MOBP: variants seen among roughly 807,000 people sequenced by gnomAD.
MOBP encodes the protein myelin associated oligodendrocyte basic protein, also known as myelin-associated oligodendrocyte basic protein.
A neutral mutation model predicts 15.0 loss-of-function variants in MOBP; 5 were observed. The ratio of observed to expected loss-of-function variants is 0.33; its 90% CI spans 0.17 to 0.70. The LOEUF is 0.70. Ranked by LOEUF, MOBP falls within the 30% of genes least tolerant of loss-of-function variation. The pLI, the probability that MOBP is intolerant of heterozygous loss-of-function variation, is 0.67. For synonymous variants in MOBP, 88 were observed against 99.0 expected (o/e 0.89, Z 0.66); for missense variants, 188 against 257.8 (o/e 0.73, Z 1.85).
At chr3:39,477,579 T>C (rs2042561281) in intron 1 of MOBP, among the ~76,000 whole-genome samples, 1 of 151,706 alleles carries the variant, frequency 6.6e-6, no homozygotes, top group Admixed American at 6.6e-5. Flanking sequence ...ATACACTTTT[T>C]ATTGTTATTT....
downstream of MOBP, among the ~76,000 whole-genome samples, chr3:39,516,483 G>A (rs2043204291): frequency 6.6e-6 from 1 of 152,174 alleles, no homozygotes; most frequent in African/African-American, 2.4e-5. Flanking sequence ...GCAGGACCTT[G>A]AGGCATTTTC....
Position 39,502,292 on chromosome 3 carries a change from CCCCG to C in MOBP, c.206+19_206+22del. 1 of 1,613,628 alleles carries C rather than the reference CCCCG, an allele frequency of 6.2e-7. No individual in the cohort carries two copies. The highest frequency in any genetic ancestry group is 8.5e-7 in the Non-Finnish European group (1 of 1,179,914). ...GAAGACCAGGTAAGCGGCCGCCCAG[CCCCG>C]CGGCACCAGTTGGGCACAGCGCGTG... On this transcript the variant is annotated intron_variant, in intron 3 of 3. Transcript: ENST00000684792. This position sits in a 1 kb window ranked among gnomAD's most constrained non-coding sequence, Gnocchi z 6.3.
Position 39,503,014 on chromosome 3 carries a change from C to G in MOBP, c.*134C>G, listed in dbSNP as rs999615367. On this transcript the variant is annotated 3_prime_UTR_variant, in exon 4 of 4. Coordinates refer to ENST00000684792, the MANE Select transcript of MOBP (RefSeq NM_001393704.1). ...TGTAATCAGCTCCCTCCATTAAATC[C>G]CCTCTGTTTGAAATACCTAGTGTGG... The G allele has an allele frequency of 2.3e-5, 13 of 569,350 alleles. No homozygotes were observed. The highest frequency in any genetic ancestry group is 3.7e-5 in the Non-Finnish European group (12 of 326,334). The allele number at this position is 569,350 out of a possible 1,614,324, so 35.3% of individuals were successfully genotyped here.
chr3:39,478,276 A>C (rs758669472), intron 1 of MOBP, among the ~76,000 whole-genome samples: 1 of 152,174 alleles, frequency 6.6e-6, no homozygotes, highest in African/African-American at 2.4e-5. Context: ...TCAATATGCA[A>C]ATACTTAAAT....
intron 1 of MOBP, among the ~76,000 whole-genome samples, 175 bp downstream of exon 1, chr3:39,467,915 G>A (rs1285279113): frequency 6.6e-6 from 1 of 152,132 alleles, no homozygotes; most frequent in Non-Finnish European, 1.5e-5. Context: ...AGGACACCAT[G>A]TTTATTCTGA....
chr3:39,523,397 T>C (rs935890361), intron 3 of MOBP, among the ~76,000 whole-genome samples: 1 of 152,234 alleles, frequency 6.6e-6, no homozygotes, highest in Non-Finnish European at 1.5e-5. Flanking sequence ...GCCATATAAA[T>C]GGTAGAATCA....
chr3:39,518,177 C>T (rs2043225494), downstream of MOBP, among the ~76,000 whole-genome samples: 1 of 152,084 alleles, frequency 6.6e-6, no homozygotes, highest in Admixed American at 6.6e-5. Flanking sequence ...TCTGTGGGAC[C>T]CAGTAGTGGT....
At chr3:39,509,434 T>C (rs954078534) in intron 4 of MOBP, among the ~76,000 whole-genome samples, 4 of 152,174 alleles carry the variant, frequency 2.6e-5, no homozygotes, top group Non-Finnish European at 5.9e-5. Flanking sequence ...TTCATTGTAG[T>C]TTTAATTTTG....
downstream of MOBP, among the ~76,000 whole-genome samples, chr3:39,506,560 G>A (rs1227669191): frequency 3.9e-5 from 6 of 152,208 alleles, no homozygotes; most frequent in Non-Finnish European, 8.8e-5. Flanking sequence ...AGACATGTGC[G>A]TCAGTTATCT....
intron 1 of MOBP, among the ~76,000 whole-genome samples, chr3:39,469,164 G>GTGTGTATA (rs1559412233): frequency 4.6e-5 from 2 of 43,020 alleles, no homozygotes; most frequent in East Asian, 4.4e-4. Flanking sequence ...ATGTGTGTGT[G>GTGTGTATA]TATACATATA....
intron 3 of MOBP, chr3:39,524,128 G>C (rs994920798): frequency 6.6e-6 from 1 of 152,220 alleles, no homozygotes; most frequent in Non-Finnish European, 1.5e-5. Context: ...GTATCCATTT[G>C]TGAAGAAAGG....
intron 1 of MOBP, among the ~76,000 whole-genome samples, chr3:39,473,985 C>A (rs1245950870): frequency 6.6e-6 from 1 of 152,240 alleles, no homozygotes; most frequent in Non-Finnish European, 1.5e-5. Flanking sequence ...GGAGGTATTT[C>A]TGGAAATACC....
In MOBP at chr3:39,495,764, AAAAG is replaced by A. The variant is rs1322875948; in HGVS notation, c.-4-6298_-4-6295del. Among the ~76,000 whole-genome samples, 24 of 150,902 alleles carry A rather than the reference AAAAG, an allele frequency of 1.6e-4. No homozygotes were observed. The South Asian group carries it at 4.8e-3, about 30-fold the overall frequency. On this transcript the variant is annotated intron_variant, in intron 2 of 3. Transcript: ENST00000684792. ...TGAGACCTTGTCAAAAAAAAAAAAA[AAAAG>A]AAAAGAAAGAGGAAAAAAAGAAATT... is the stretch of plus-strand genomic sequence containing the variant.
At chr3:39,492,640 T>C (rs903370134) in intron 2 of MOBP, among the ~76,000 whole-genome samples, 1 of 152,226 alleles carries the variant, frequency 6.6e-6, no homozygotes, top group Non-Finnish European at 1.5e-5. Context: ...AATTTCTTGC[T>C]TTATTAACCT....
intron 1 of MOBP, among the ~76,000 whole-genome samples, chr3:39,468,703 T>C: frequency 8.3e-6 from 1 of 120,556 alleles, no homozygotes; most frequent in Non-Finnish European, 1.8e-5. Flanking sequence ...TATACATATA[T>C]ACATATGTGT....
chr3:39,518,685 T>C (rs1395041916), downstream of MOBP, among the ~76,000 whole-genome samples: 1 of 152,158 alleles, frequency 6.6e-6, no homozygotes, highest in Non-Finnish European at 1.5e-5. Flanking sequence ...ATGGAGATAA[T>C]CCTATTGCAT....
rs985584836 is a variant in MOBP, at chr3:39,502,909, C to G, written c.*29C>G. ...CATCTCTTCCCTTTTGTTCCCCAGC[C>G]CTAAGGTTAGTAGTTGCTTCCTGTG... On this transcript the variant is annotated 3_prime_UTR_variant, in exon 4 of 4. Transcript: ENST00000684792. This position sits in a 1 kb window ranked among gnomAD's most constrained non-coding sequence, Gnocchi z 6.3. The G allele has an allele frequency of 9.7e-7, 1 of 1,030,352 alleles. No homozygotes were observed. The highest frequency in any genetic ancestry group is 1.4e-6 in the Non-Finnish European group (1 of 723,556). 63.8% of individuals were successfully genotyped at this position (1,030,352 alleles called of 1,614,324 possible).
chr3:39,516,219 T>G (rs1037392034), downstream of MOBP, among the ~76,000 whole-genome samples: 1 of 151,748 alleles, frequency 6.6e-6, no homozygotes, highest in Non-Finnish European at 1.5e-5. Context: ...GGCAGAGGAG[T>G]AGGGCAAGGG....
downstream of MOBP, among the ~76,000 whole-genome samples, chr3:39,504,097 A>G (rs1513218): frequency 0.64 from 97,741 of 152,024 alleles, 34,106 homozygotes; most frequent in Non-Finnish European, 0.77. Flanking sequence ...TGATAAATTT[A>G]TGGTACCAAA....
Sources: gnomAD v4.1 joint callset for allele counts (sites outside exome capture counted in the v4.1 genomes callset) on GRCh38, gnomAD v4.1.1 for gene constraint, Gnocchi (gnomAD v3.1) non-coding constraint, MANE v1.5 for transcripts, NCBI Gene and HGNC (gene_info 2026-07-23, HGNC 2026-07-21) for gene names.